DAB1: variants seen among roughly 807,000 people sequenced by gnomAD.
DAB1 encodes disabled homolog 1.
In DAB1, 15 loss-of-function variants were observed where a neutral mutation model predicts 64.6. The ratio of observed to expected loss-of-function variants is 0.23; its 90% CI spans 0.16 to 0.36. The LOEUF (loss-of-function observed/expected upper bound fraction) is 0.36. DAB1 is among the 10% of genes least tolerant of loss of function. DAB1 has a pLI of 1.00. For synonymous variants in DAB1, 235 were observed against 251.9 expected, an observed-to-expected ratio of 0.93 and a Z score of 0.64; for missense variants, 596 against 706.7, an observed-to-expected ratio of 0.84 and a Z score of 1.78.
chr1:57,303,367 G>A (rs550911552), intron 1 of DAB1, among the ~76,000 whole-genome samples: 1 of 152,286 alleles, frequency 6.6e-6, no homozygotes, highest in South Asian at 2.1e-4. Context: ...TTTCGCCCCA[G>A]TCCAGTCCCA....
chr1:58,144,733 C>A (rs538846119), intron 5 of DAB1, among the ~76,000 whole-genome samples: 1 of 152,172 alleles, frequency 6.6e-6, no homozygotes, highest in Non-Finnish European at 1.5e-5. Flanking sequence ...GTGATACACC[C>A]GGGGTCACCC....
chr1:57,973,171 G>T (rs1645838972), intron 5 of DAB1, among the ~76,000 whole-genome samples: 1 of 152,158 alleles, frequency 6.6e-6, no homozygotes, highest in Admixed American at 6.6e-5. Flanking sequence ...ACAAAGAGGA[G>T]GTGATGTGAA....
intron 7 of DAB1, among the ~76,000 whole-genome samples, chr1:57,507,361 T>A (rs1644356226): frequency 6.6e-6 from 1 of 152,228 alleles, no homozygotes; most frequent in African/African-American, 2.4e-5. Flanking sequence ...TCCCACTTAA[T>A]CACAAGGTTA....
rs201919342 is a variant in DAB1, at chr1:57,226,678, T to C, written c.67+64286A>G. Among the ~76,000 whole-genome samples the C allele has an allele frequency of 5.4e-4, 73 of 134,796 alleles. 1 individual carries two copies. Among genetic ancestry groups the C allele is most frequent in the Non-Finnish European group, 9.7e-4 (62 of 63,812 alleles). The allele number at this position is 134,796 out of a possible 152,430, so 88.4% of individuals were successfully genotyped here. A position where few individuals can be genotyped will look rare whatever the true frequency, so the allele number is the denominator to read the frequency against. ...CAAAAGTGGTTAAAAAAAAAATATA[T>C]ATATATATATATATATATATCAGTG... On this transcript the variant is annotated intron_variant, in intron 2 of 14. Coordinates refer to ENST00000371236, the MANE Select transcript of DAB1 (RefSeq NM_001365792.1).
chr1:58,223,495 T>C (rs1224536604), intron 4 of DAB1, among the ~76,000 whole-genome samples: 2 of 152,308 alleles, frequency 1.3e-5, no homozygotes, highest in Non-Finnish European at 2.9e-5. Flanking sequence ...AATTACAAAT[T>C]TCCTGAGAAA....
intron 7 of DAB1, among the ~76,000 whole-genome samples, chr1:57,483,425 G>T (rs1039404755): frequency 6.6e-6 from 1 of 152,098 alleles, no homozygotes; most frequent in African/African-American, 2.4e-5. Flanking sequence ...ATTCTCTCTT[G>T]TCTGCTGCCA....
At chr1:57,062,143 G>T (rs998544784) in intron 9 of DAB1, among the ~76,000 whole-genome samples, 2 of 152,134 alleles carry the variant, frequency 1.3e-5, no homozygotes, top group Non-Finnish European at 2.9e-5. Flanking sequence ...CCACACAGCT[G>T]GGAATTTTTG....
At chr1:58,178,416 G>T (rs2100779125) in intron 4 of DAB1, among the ~76,000 whole-genome samples, 1 of 152,190 alleles carries the variant, frequency 6.6e-6, no homozygotes, top group Admixed American at 6.5e-5. Flanking sequence ...CTCTGAACGT[G>T]ACCTTATTTG....
chr1:58,164,304 G>A (rs537209551), intron 4 of DAB1, among the ~76,000 whole-genome samples: 1 of 152,066 alleles, frequency 6.6e-6, no homozygotes, highest in African/African-American at 2.4e-5. Context: ...AGCAATAGTG[G>A]ATACAGATAA....
At chr1:57,192,907 T>A (rs1664270270) in intron 2 of DAB1, among the ~76,000 whole-genome samples, 1 of 152,206 alleles carries the variant, frequency 6.6e-6, no homozygotes, top group South Asian at 2.1e-4. Flanking sequence ...CTAGAACATT[T>A]CTTTTTTAAT....
intron 7 of DAB1, among the ~76,000 whole-genome samples, chr1:57,435,664 G>C (rs1018872291): frequency 6.6e-6 from 1 of 152,086 alleles, no homozygotes; most frequent in Non-Finnish European, 1.5e-5. Flanking sequence ...TGTCCCAGTG[G>C]AAGGTCTTCA....
At chr1:57,831,312 T>C (rs1333217832) in intron 1 of DAB1, among the ~76,000 whole-genome samples, 8 of 152,104 alleles carry the variant, frequency 5.3e-5, no homozygotes, top group Non-Finnish European at 1.0e-4. Context: ...TCCTTCAGAC[T>C]CTACTAATGT....
chr1:57,377,300 G>A (rs1680984046), intron 1 of DAB1, among the ~76,000 whole-genome samples: 1 of 151,360 alleles, frequency 6.6e-6, no homozygotes, highest in Admixed American at 6.6e-5. Flanking sequence ...AGAAAAGGCA[G>A]GCCACTGATA....
intron 5 of DAB1, among the ~76,000 whole-genome samples, chr1:57,903,925 T>G (rs1173734839): frequency 6.6e-6 from 1 of 152,226 alleles, no homozygotes; most frequent in Non-Finnish European, 1.5e-5. Flanking sequence ...AGCTTGGACT[T>G]TACATAAAAT....
intron 1 of DAB1, among the ~76,000 whole-genome samples, chr1:57,296,176 A>G (rs557986346): frequency 7.4e-4 from 112 of 152,248 alleles, no homozygotes; most frequent in Non-Finnish European, 1.4e-3. Flanking sequence ...AGCTTCTCCT[A>G]TGGGACAAGA....
intron 7 of DAB1, among the ~76,000 whole-genome samples, chr1:57,483,216 T>A (rs886786596): frequency 2.0e-5 from 3 of 152,202 alleles, no homozygotes; most frequent in Non-Finnish European, 2.9e-5. Context: ...ATAGTTAATT[T>A]ACTGATATGG....
At chr1:58,016,060 C>G (rs894709588) in intron 5 of DAB1, among the ~76,000 whole-genome samples, 2 of 152,108 alleles carry the variant, frequency 1.3e-5, no homozygotes, top group African/African-American at 4.8e-5. Context: ...ATGGAAAGAG[C>G]TGGGTCCCCA....
At chr1:57,198,594 C>T (rs1664821345) in intron 2 of DAB1, among the ~76,000 whole-genome samples, 1 of 150,320 alleles carries the variant, frequency 6.7e-6, no homozygotes, top group African/African-American at 2.4e-5. Flanking sequence ...CACCTCCATC[C>T]ATATCCTGGC....
intron 7 of DAB1, among the ~76,000 whole-genome samples, chr1:57,506,504 T>C (rs1644345025): frequency 6.6e-6 from 1 of 152,248 alleles, no homozygotes; most frequent in Non-Finnish European, 1.5e-5. Flanking sequence ...ATAAATTTAC[T>C]GAATCAGTGT....
Sources: gnomAD v4.1 joint callset for allele counts (sites outside exome capture counted in the v4.1 genomes callset) on GRCh38, gnomAD v4.1.1 for gene constraint, MANE v1.5 for transcripts, NCBI Gene and HGNC (gene_info 2026-07-23, HGNC 2026-07-21) for gene names.